NTNG1: variants seen among roughly 807,000 people sequenced by gnomAD.
NTNG1 encodes the protein netrin-G1.
In NTNG1, 16 loss-of-function variants were observed where a neutral mutation model predicts 54.0. The observed-to-expected ratio is 0.30, with a 90% confidence interval of 0.20 to 0.45. NTNG1 has a LOEUF of 0.45. NTNG1 is among the 20% of genes least tolerant of loss of function. NTNG1 has a pLI of 1.00. For missense variants in NTNG1, 530 were observed against 678.7 expected, an observed-to-expected ratio of 0.78 and a Z score of 2.43; for synonymous variants, 255 against 263.1, an observed-to-expected ratio of 0.97 and a Z score of 0.30.
chr1:107,259,989 G>A (rs1330203208), intron 2 of NTNG1, among the ~76,000 whole-genome samples: 1 of 152,090 alleles, frequency 6.6e-6, no homozygotes, highest in Non-Finnish European at 1.5e-5. Context: ...ACACCATAGA[G>A]CCGAGATAGT....
intron 1 of NTNG1, chr1:107,141,347 C>A (rs1653671944): frequency 6.7e-6 from 1 of 149,874 alleles, no homozygotes; most frequent in South Asian, 2.1e-4. Flanking sequence ...ACGCCGCCCG[C>A]GGGCTCCGCT....
At chr1:107,179,442 G>A (rs951833787) in intron 2 of NTNG1, among the ~76,000 whole-genome samples, 3 of 151,472 alleles carry the variant, frequency 2.0e-5, no homozygotes. Flanking sequence ...TTGTCTTTTT[G>A]CTCTATGACA....
intron 3 of NTNG1, among the ~76,000 whole-genome samples, chr1:107,333,105 C>T (rs1234256394): frequency 6.6e-6 from 1 of 151,988 alleles, no homozygotes; most frequent in Non-Finnish European, 1.5e-5. Flanking sequence ...CTCTCTCTTG[C>T]ATTGTGACTG....
chr1:107,330,053 G>A (rs1034923271), intron 3 of NTNG1, among the ~76,000 whole-genome samples: 1 of 152,008 alleles, frequency 6.6e-6, no homozygotes, highest in Non-Finnish European at 1.5e-5. Context: ...TTGAAATATG[G>A]GTTTTATTGT....
chr1:107,274,452 G>A (rs1232356956), intron 2 of NTNG1, among the ~76,000 whole-genome samples: 2 of 152,092 alleles, frequency 1.3e-5, no homozygotes, highest in East Asian at 3.9e-4. Context: ...TAATAATTAG[G>A]TCATTTATGC....
chr1:107,229,385 C>G (rs1660903536), intron 2 of NTNG1, among the ~76,000 whole-genome samples: 1 of 150,614 alleles, frequency 6.6e-6, no homozygotes, highest in African/African-American at 2.4e-5. Flanking sequence ...GCTTCTAGGC[C>G]TTTTGGCTAA....
intron 7 of NTNG1, among the ~76,000 whole-genome samples, chr1:107,453,555 G>T (rs898841502): frequency 6.6e-6 from 1 of 152,154 alleles, no homozygotes; most frequent in Non-Finnish European, 1.5e-5. Flanking sequence ...CTCCCAGGGG[G>T]TTTCTTCGGT....
chr1:107,324,420 C>G lies in NTNG1; in HGVS notation c.385C>G (p.Pro129Ala). ...QSATWKEYPK[P>A]LQVNITLSWS... is the part of the protein sequence containing the mutation. ...TGCCACTTGGAAGGAGTATCCCAAG[C>G]CTCTCCAGGTTAACATCACTCTGTC... is the stretch of plus-strand genomic sequence containing the variant. Residue 129 changes from proline (P) to alanine (A), a missense_variant, in exon 3 of 8, where the codon CCT becomes GCT. Coordinates refer to ENST00000370068, the MANE Select transcript of NTNG1 (RefSeq NM_001113226.3). 3 of 1,613,844 alleles carry G rather than the reference C, an allele frequency of 1.9e-6. No individual in the cohort carries two copies. The highest frequency in any genetic ancestry group is 1.1e-5 in the South Asian group (1 of 91,082).
intron 1 of NTNG1, among the ~76,000 whole-genome samples, chr1:107,142,044 G>C (rs1198216849): frequency 6.6e-6 from 1 of 152,086 alleles, no homozygotes; most frequent in Non-Finnish European, 1.5e-5. Context: ...AAGGGAAATT[G>C]AAAGAGGAAG....
At chr1:107,383,393 A>G (rs992540295) in intron 3 of NTNG1, among the ~76,000 whole-genome samples, 4 of 152,206 alleles carry the variant, frequency 2.6e-5, no homozygotes, top group Non-Finnish European at 5.9e-5. Context: ...AAGGAAGTAT[A>G]TAAGAAATTA....
chr1:107,276,250 T>C (rs932989625), intron 2 of NTNG1, among the ~76,000 whole-genome samples: 1 of 152,156 alleles, frequency 6.6e-6, no homozygotes, highest in Admixed American at 6.5e-5. Context: ...AAATAGTACA[T>C]GCAGACATTT....
intron 5 of NTNG1, among the ~76,000 whole-genome samples, chr1:107,429,147 C>A (rs552186585): frequency 1.3e-5 from 2 of 152,036 alleles, no homozygotes; most frequent in South Asian, 4.1e-4. Context: ...CCCCTTTCTT[C>A]TTGCCTCTCT....
intron 2 of NTNG1, among the ~76,000 whole-genome samples, chr1:107,209,117 T>G (rs1659424044): frequency 6.6e-6 from 1 of 152,014 alleles, no homozygotes; most frequent in South Asian, 2.1e-4. Context: ...CTGCATTTTC[T>G]ATTTCCTTAC....
intron 2 of NTNG1, among the ~76,000 whole-genome samples, chr1:107,309,430 AT>A (rs1394958022): frequency 6.6e-6 from 1 of 152,196 alleles, no homozygotes. Flanking sequence ...TGATTCTTTA[AT>A]TTTTGAGCAG....
intron 3 of NTNG1, among the ~76,000 whole-genome samples, chr1:107,380,292 A>G (rs1049276174): frequency 6.6e-6 from 1 of 152,246 alleles, no homozygotes; most frequent in African/African-American, 2.4e-5. Flanking sequence ...TCAAACACTT[A>G]AAAGATGAAA....
chr1:107,288,388 C>T (rs1009781142), intron 2 of NTNG1, among the ~76,000 whole-genome samples: 6 of 151,858 alleles, frequency 4.0e-5, no homozygotes, highest in Non-Finnish European at 7.4e-5. Context: ...GGCTTTGGAG[C>T]CTGTATGTTT....
intron 2 of NTNG1, among the ~76,000 whole-genome samples, chr1:107,187,197 T>C (rs1319723706): frequency 6.6e-6 from 1 of 152,162 alleles, no homozygotes; most frequent in Non-Finnish European, 1.5e-5. Flanking sequence ...TATTTATTTG[T>C]TTATTGCCTA....
chr1:107,459,190 CAT>C (rs1268201252), intron 7 of NTNG1, among the ~76,000 whole-genome samples: 1 of 152,042 alleles, frequency 6.6e-6, no homozygotes, highest in South Asian at 2.1e-4. Context: ...TTTGCAAAGA[CAT>C]ATATGCATAT....
chr1:107,287,262 A>AT (rs1268472326), intron 2 of NTNG1, among the ~76,000 whole-genome samples: 1 of 152,136 alleles, frequency 6.6e-6, no homozygotes, highest in African/African-American at 2.4e-5. Flanking sequence ...CTCTCAACCA[A>AT]TAAAAAAAAA....
Sources: allele counts gnomAD v4.1 joint callset (sites outside exome capture counted in the v4.1 genomes callset), GRCh38; gene constraint gnomAD v4.1.1; transcripts MANE v1.5; gene names NCBI Gene and HGNC (gene_info 2026-07-23, HGNC 2026-07-21).